NRDE2: variants seen among roughly 807,000 people sequenced by gnomAD.
NRDE2 encodes NRDE-2, necessary for RNA interference, domain containing, also known as nuclear exosome regulator NRDE2.
Under a neutral mutation model 124.2 loss-of-function variants are expected in NRDE2, and 76 were observed. The observed-to-expected ratio is 0.61, with a 90% CI of 0.51 to 0.74. The LOEUF is 0.74. Ranked by LOEUF, NRDE2 falls within the 30% of genes least tolerant of loss-of-function variation. The probability of loss-of-function intolerance (pLI) is 0.00; values close to 1 mark genes in which losing one functional copy is unlikely to be tolerated. For synonymous variants in NRDE2, 489 were observed against 528.1 expected, an observed-to-expected ratio of 0.93 and a Z score of 1.01; for missense variants, 1,314 against 1,417.3, an observed-to-expected ratio of 0.93 and a Z score of 1.17.
chr14:90,300,438 A>C (rs1359909471), intron 7 of NRDE2, among the ~76,000 whole-genome samples: 1 of 152,198 alleles, frequency 6.6e-6, no homozygotes. Context: ...ACACTTTTGA[A>C]TGTTCACCAT....
At chr14:90,285,978 T>A (rs1024199455) in intron 12 of NRDE2, among the ~76,000 whole-genome samples, 6 of 152,198 alleles carry the variant, frequency 3.9e-5, no homozygotes, top group Non-Finnish European at 8.8e-5. Context: ...GAAATTCTTA[T>A]GAGCAGAATA....
chr14:90,326,460 G>A (rs1469591834), intron 1 of NRDE2, among the ~76,000 whole-genome samples: 1 of 146,800 alleles, frequency 6.8e-6, no homozygotes, highest in East Asian at 2.0e-4. Context: ...CGCCACTGCA[G>A]TCTGCAGTCC....
At chr14:90,309,017 C>A (rs995623458) in intron 4 of NRDE2, among the ~76,000 whole-genome samples, 3 of 151,724 alleles carry the variant, frequency 2.0e-5, no homozygotes, top group Non-Finnish European at 1.5e-5. Context: ...CTGGGATGGG[C>A]GGATCATGAG....
At position 90,278,715 on chromosome 14, in the gene NRDE2, C is replaced by T. The variant is rs1028193752; in HGVS notation, c.3370-254G>A. The T allele has an allele frequency of 9.3e-5, 50 of 540,168 alleles. 1 individual carries two copies. The highest frequency in any genetic ancestry group is 4.3e-5 in the Non-Finnish European group (13 of 302,346). 33.5% of individuals were successfully genotyped at this position (540,168 alleles called of 1,614,324 possible). A position where few individuals can be genotyped will look rare whatever the true frequency, so the allele number is the denominator to read the frequency against. Reference sequence around the variant, plus strand: ...AAGGGGTCCAGGAATTGCTGGCCGTCGCCCTCAGTTTCACTTCTGAGTGTC... The same window carrying T: ...AAGGGGTCCAGGAATTGCTGGCCGTTGCCCTCAGTTTCACTTCTGAGTGTC... On this transcript the variant is annotated intron_variant, in intron 13 of 13. Coordinates refer to ENST00000354366, the MANE Select transcript of NRDE2 (RefSeq NM_017970.4).
Position 90,286,642 on chromosome 14 carries a change from A to G in NRDE2, c.3159-150T>C, listed in dbSNP as rs555160864. The G allele has an allele frequency of 3.1e-4, 297 of 962,770 alleles. No individual in the cohort carries two copies. In the African/African-American group the frequency reaches 4.6e-3, roughly 15 times the overall value. The allele number at this position is 962,770 out of a possible 1,614,324, so 59.6% of individuals were successfully genotyped here. On this transcript the variant is annotated intron_variant, in intron 11 of 13. Coordinates refer to ENST00000354366, the MANE Select transcript of NRDE2 (RefSeq NM_017970.4). Reference sequence around the variant, plus strand: ...GTCCCTCAGGCGTAGAGCGCTGTGTATGGGGCTTCTCCAAGGCCAGGAGAA... The same window carrying G: ...GTCCCTCAGGCGTAGAGCGCTGTGTGTGGGGCTTCTCCAAGGCCAGGAGAA...
chr14:90,295,783 A>C (rs1451534939), intron 8 of NRDE2, among the ~76,000 whole-genome samples: 1 of 152,270 alleles, frequency 6.6e-6, no homozygotes, highest in Non-Finnish European at 1.5e-5. Context: ...TGCTGGAATC[A>C]AGAAAATTTT....
Position 90,288,416 on chromosome 14 carries a change from G to A in NRDE2, c.2959C>T (p.Leu987Phe). ...GGATACAACTTTAAAGCCTGTGAGA[G>A]TGCCTCTCGCAGAGGGGCCAGCGGG... Reference protein sequence around the residue: ...VYPLAPLREALSQALKLYPGN... With the variant: ...VYPLAPLREAFSQALKLYPGN... The change falls in exon 11 of 14, where the codon CTC becomes TTC. Residue 987 changes from leucine (L) to phenylalanine (F), a missense_variant. Transcript: ENST00000354366. 1 of 1,614,194 alleles carries A rather than the reference G, an allele frequency of 6.2e-7. No individual in the cohort carries two copies. Among genetic ancestry groups the A allele is most frequent in the Non-Finnish European group, 8.5e-7 (1 of 1,180,034 alleles).
At position 90,270,529 on chromosome 14, in the gene NRDE2, TA is replaced by T. The variant is rs1161331443; in HGVS notation, c.*7806del. ...ATGTGCTTGATATTGAAGTCATTCTTAATGCATCATTTTATGCAGTGAATGA... is the reference window on the plus strand; with the variant it reads ...ATGTGCTTGATATTGAAGTCATTCTTATGCATCATTTTATGCAGTGAATGA... On this transcript the variant is annotated 3_prime_UTR_variant, in exon 14 of 14. Coordinates refer to ENST00000354366, the MANE Select transcript of NRDE2 (RefSeq NM_017970.4). 24 of 666,212 alleles carry T rather than the reference TA, an allele frequency of 3.6e-5. No homozygotes were observed. In the East Asian group the frequency reaches 6.8e-4, roughly 19 times the overall value. The allele number at this position is 666,212 out of a possible 1,614,324, so 41.3% of individuals were successfully genotyped here.
intron 8 of NRDE2, among the ~76,000 whole-genome samples, chr14:90,296,094 A>T (rs555476258): frequency 3.5e-4 from 54 of 152,326 alleles, no homozygotes; most frequent in African/African-American, 1.3e-3. Flanking sequence ...TGTCACAGAA[A>T]TGCAGAACAC....
intron 1 of NRDE2, among the ~76,000 whole-genome samples, chr14:90,322,862 T>C (rs1885290411): frequency 6.6e-6 from 1 of 152,256 alleles, no homozygotes; most frequent in South Asian, 2.1e-4. Flanking sequence ...CATCCTCACA[T>C]AATTTACATA....
Position 90,285,987 on chromosome 14 carries a change from T to C in NRDE2, c.3297+367A>G, listed in dbSNP as rs115485391. On this transcript the variant is annotated intron_variant, in intron 12 of 13. Transcript: ENST00000354366. ...GACCTAGAAATTCTTATGAGCAGAA[T>C]AGCAAAGAATATAGGTCTCTTTCAA... is the stretch of plus-strand genomic sequence containing the variant. 5.5e-3 allele frequency among the ~76,000 whole-genome samples: 841 copies of C among 152,302 alleles called. 7 individuals are homozygous for C. Among genetic ancestry groups the C allele is most frequent in the African/African-American group, 0.02 (815 of 41,570 alleles).
At chr14:90,316,005 A>G (rs2139705557) in intron 3 of NRDE2, among the ~76,000 whole-genome samples, 1 of 150,314 alleles carries the variant, frequency 6.7e-6, no homozygotes, top group Non-Finnish European at 1.5e-5. Flanking sequence ...AAAATATGGG[A>G]GAAATAAAGC....
At chr14:90,281,473 T>G (rs975424529) in intron 12 of NRDE2, 2 of 152,210 alleles carry the variant, frequency 1.3e-5, no homozygotes, top group Admixed American at 1.3e-4. Context: ...TTCTCCCCTG[T>G]GCGACCACGG....
rs117951693 is a variant in NRDE2, at chr14:90,305,732, T to C, written c.558-1350A>G. On this transcript the variant is annotated intron_variant, in intron 4 of 13. Coordinates refer to ENST00000354366, the MANE Select transcript of NRDE2 (RefSeq NM_017970.4). ...GCATTTTAGAACAGGTAAAAACGAA[T>C]TGAGGGTGGAAACAAGTAAGAACGG... Among the ~76,000 whole-genome samples, 672 of 152,242 alleles carry C rather than the reference T, an allele frequency of 4.4e-3. 32 individuals carry two copies. In the East Asian group the frequency reaches 0.078, roughly 18 times the overall value.
At position 90,290,349 on chromosome 14, in the gene NRDE2, A is replaced by C; in HGVS notation, c.2101T>G (p.Trp701Gly). ...CCCTCTCGGTTCTGACCCCTGGTCCAGCGAGGATAGCCCAACCTATCCATG... is the reference window on the plus strand; with the variant it reads ...CCCTCTCGGTTCTGACCCCTGGTCCCGCGAGGATAGCCCAACCTATCCATG... The part of the protein sequence containing the change: ...GRMDRLGYPR[W>G]TRGQNREGEE... Residue 701 changes from tryptophan (W) to glycine (G), a missense_variant, in exon 10 of 14, where the codon TGG becomes GGG. Transcript: ENST00000354366. 1 of 1,614,160 alleles carries C rather than the reference A, an allele frequency of 6.2e-7. No homozygotes were observed. Among genetic ancestry groups the C allele is most frequent in the Non-Finnish European group, 8.5e-7 (1 of 1,180,036 alleles).
intron 8 of NRDE2, among the ~76,000 whole-genome samples, chr14:90,294,402 A>C (rs2072499723): frequency 6.6e-6 from 1 of 152,060 alleles, no homozygotes; most frequent in Non-Finnish European, 1.5e-5. Context: ...GATACTGTAC[A>C]CCCATGTTCA....
intron 11 of NRDE2, among the ~76,000 whole-genome samples, chr14:90,286,807 G>A (rs1021427069): frequency 3.9e-5 from 6 of 152,016 alleles, no homozygotes; most frequent in Non-Finnish European, 7.4e-5. Context: ...CTAGCACTTC[G>A]GGAGGCCAAG....
chr14:90,311,793 A>G (rs2139700693), intron 4 of NRDE2, among the ~76,000 whole-genome samples: 1 of 152,294 alleles, frequency 6.6e-6, no homozygotes, highest in South Asian at 2.1e-4. Context: ...ATCACAAAAA[A>G]AGTCATAATG....
chr14:90,268,357 A>G lies in NRDE2; in HGVS notation c.*9979T>C, dbSNP rs1231656633. ...TACGGGAATTGTTCCGAGTTGCTGA[A>G]GAACATGCACCGTCCATCGTGTTTA... On this transcript the variant is annotated 3_prime_UTR_variant, in exon 14 of 14. Transcript: ENST00000354366. 21 of 1,613,864 alleles carry G rather than the reference A, an allele frequency of 1.3e-5. No homozygotes were observed. The highest frequency in any genetic ancestry group is 1.7e-5 in the Non-Finnish European group (20 of 1,179,834).
Sources: allele counts gnomAD v4.1 joint callset (sites outside exome capture counted in the v4.1 genomes callset), GRCh38; gene constraint gnomAD v4.1.1; transcripts MANE v1.5; gene names NCBI Gene and HGNC (gene_info 2026-07-23, HGNC 2026-07-21).